Variants in CERKL observed in about 807,000 individuals in gnomAD.
CERKL encodes the protein CERK like autophagy regulator.
In CERKL, 61 loss-of-function variants were observed where a neutral mutation model predicts 63.4. The ratio of observed to expected loss-of-function variants is 0.96; its 90% CI spans 0.78 to 1.19. CERKL has a LOEUF of 1.19. CERKL is among the 50% of genes most tolerant of loss of function. The pLI is 0.00. For synonymous variants in CERKL, 250 were observed against 230.5 expected (o/e 1.08, Z -0.77); for missense variants, 675 against 655.5 (o/e 1.03, Z -0.33).
Position 181,656,764 on chromosome 2 carries a change from C to A in CERKL, c.238+5G>T. 1 of 1,588,042 alleles carries A rather than the reference C, an allele frequency of 6.3e-7. No homozygotes were observed. Among genetic ancestry groups the A allele is most frequent in the South Asian group, 1.1e-5 (1 of 88,648 alleles). ...AGGCGAAGACGCTTGGGGCCGGGCACTCACCCGCCGGGCGCTCGGGCTGAA... is the reference window on the plus strand; with the variant it reads ...AGGCGAAGACGCTTGGGGCCGGGCAATCACCCGCCGGGCGCTCGGGCTGAA... On this transcript the variant is annotated splice_donor_5th_base_variant and intron_variant, in intron 1 of 12. Coordinates refer to ENST00000410087, the MANE Select transcript of CERKL (RefSeq NM_201548.5).
At chr2:181,608,803 G>A (rs953512783) in intron 1 of CERKL, among the ~76,000 whole-genome samples, 26 of 152,160 alleles carry the variant, frequency 1.7e-4, no homozygotes, top group African/African-American at 6.3e-4. Context: ...ACTATTTAAA[G>A]ATGTTATCAT....
chr2:181,624,570 T>TG (rs1686601984), intron 1 of CERKL, among the ~76,000 whole-genome samples: 1 of 152,120 alleles, frequency 6.6e-6, no homozygotes, highest in Non-Finnish European at 1.5e-5. Flanking sequence ...GAGAACAGAC[T>TG]GATGGGGGAC....
intron 1 of CERKL, among the ~76,000 whole-genome samples, chr2:181,653,267 GAC>G (rs2105553494): frequency 6.6e-6 from 1 of 152,292 alleles, no homozygotes; most frequent in Admixed American, 6.5e-5. Context: ...AATAAGTACT[GAC>G]ACAGATATGG....
intron 2 of CERKL, among the ~76,000 whole-genome samples, chr2:181,587,609 C>G (rs1294775208): frequency 2.0e-5 from 3 of 152,046 alleles, no homozygotes; most frequent in Non-Finnish European, 4.4e-5. Flanking sequence ...AATTCTTTTT[C>G]CCTACTCTAC....
rs200179024 is a variant in CERKL at position 181,548,610 on chromosome 2, A to T, written c.1074-6T>A. 6.2e-7 allele frequency: 1 copy of T among 1,613,100 alleles called. No individual in the cohort carries two copies. The highest frequency in any genetic ancestry group is 2.2e-5 in the East Asian group (1 of 44,788). On this transcript the variant is annotated splice_polypyrimidine_tract_variant and splice_region_variant and intron_variant, in intron 7 of 12. Transcript: ENST00000410087. Reference sequence around the variant, plus strand: ...ATATTTCACAGTCTTCTGCCCTAAAATGTAATGAAATTTGTTATTAACAGT... The same window carrying T: ...ATATTTCACAGTCTTCTGCCCTAAATTGTAATGAAATTTGTTATTAACAGT...
At chr2:181,631,202 A>G (rs1686940208) in intron 1 of CERKL, among the ~76,000 whole-genome samples, 1 of 152,218 alleles carries the variant, frequency 6.6e-6, no homozygotes, top group Non-Finnish European at 1.5e-5. Flanking sequence ...CAAGTCTTCT[A>G]TATTTTTACT....
intron 3 of CERKL, among the ~76,000 whole-genome samples, chr2:181,567,541 G>A (rs1688717640): frequency 7.0e-6 from 1 of 143,472 alleles, no homozygotes; most frequent in South Asian, 2.2e-4. Flanking sequence ...AATGCAACCT[G>A]CCTGAAAATA....
intron 2 of CERKL, among the ~76,000 whole-genome samples, chr2:181,590,499 T>A (rs1407359203): frequency 2.1e-5 from 3 of 142,990 alleles, no homozygotes; most frequent in Admixed American, 6.8e-5. Flanking sequence ...AGAGAAAAGT[T>A]ATATATTGGG....
intron 2 of CERKL, among the ~76,000 whole-genome samples, chr2:181,575,256 G>A (rs1689080480): frequency 6.6e-6 from 1 of 152,172 alleles, no homozygotes; most frequent in Non-Finnish European, 1.5e-5. Context: ...GCTCATTGCT[G>A]CCTGAAGAGC....
At chr2:181,615,175 T>TACAAC (rs1172751829) in intron 1 of CERKL, among the ~76,000 whole-genome samples, 1 of 152,192 alleles carries the variant, frequency 6.6e-6, no homozygotes, top group East Asian at 1.9e-4. Flanking sequence ...CCTATTGTTG[T>TACAAC]ATTTTTTTGG....
chr2:181,589,815 A>G (rs1260776097), intron 2 of CERKL, among the ~76,000 whole-genome samples: 1 of 151,908 alleles, frequency 6.6e-6, no homozygotes, highest in Non-Finnish European at 1.5e-5. Flanking sequence ...TTAACTCCAC[A>G]AAAGGTATGT....
intron 1 of CERKL, among the ~76,000 whole-genome samples, chr2:181,633,779 C>T (rs899325787): frequency 1.3e-5 from 2 of 152,170 alleles, no homozygotes; most frequent in Non-Finnish European, 2.9e-5. Context: ...TTAGAAATTT[C>T]TCTAGTCTCC....
intron 1 of CERKL, chr2:181,617,274 G>A (rs948043324): frequency 1.3e-5 from 2 of 152,178 alleles, no homozygotes; most frequent in East Asian, 1.9e-4. Context: ...GCTACAAATC[G>A]AAGTGGTGGT....
chr2:181,551,718 G>A (rs1187458455), intron 5 of CERKL, among the ~76,000 whole-genome samples: 1 of 152,064 alleles, frequency 6.6e-6, no homozygotes, highest in Non-Finnish European at 1.5e-5. Context: ...GATATCTGGG[G>A]GGTGGGACCC....
intron 1 of CERKL, among the ~76,000 whole-genome samples, chr2:181,619,918 G>A (rs1290888325): frequency 6.6e-6 from 1 of 152,260 alleles, no homozygotes; most frequent in Non-Finnish European, 1.5e-5. Context: ...GGTAGTAGTG[G>A]GAGAGGTTAG....
chr2:181,631,234 TAA>T (rs1252316684), intron 1 of CERKL, among the ~76,000 whole-genome samples: 1 of 152,234 alleles, frequency 6.6e-6, no homozygotes, highest in Non-Finnish European at 1.5e-5. Context: ...ACTGGTTCTT[TAA>T]AAGTCTTTTC....
At chr2:181,635,314 T>C (rs980543112) in intron 1 of CERKL, among the ~76,000 whole-genome samples, 1 of 152,224 alleles carries the variant, frequency 6.6e-6, no homozygotes, top group African/African-American at 2.4e-5. Flanking sequence ...TCCTCAAATA[T>C]GAAAAATGCT....
At chr2:181,620,321 TC>T (rs1215395516) in intron 1 of CERKL, among the ~76,000 whole-genome samples, 4 of 152,156 alleles carry the variant, frequency 2.6e-5, no homozygotes, top group Non-Finnish European at 5.9e-5. Flanking sequence ...GTCATTATTG[TC>T]AGCCAAGGTA....
At chr2:181,643,713 G>C (rs1189741892) in intron 1 of CERKL, among the ~76,000 whole-genome samples, 1 of 152,226 alleles carries the variant, frequency 6.6e-6, no homozygotes, top group East Asian at 1.9e-4. Context: ...TCCAACATGA[G>C]ATAGCACTGT....
Sources: gnomAD v4.1 joint callset for allele counts (sites outside exome capture counted in the v4.1 genomes callset) on GRCh38, gnomAD v4.1.1 for gene constraint, MANE v1.5 for transcripts, NCBI Gene and HGNC (gene_info 2026-07-23, HGNC 2026-07-21) for gene names.